The following OTUD7A variants were observed in gnomAD, a reference collection of about 807,000 sequenced individuals.
OTUD7A encodes OTU deubiquitinase 7A, also known as OTU domain-containing protein 7A.
In OTUD7A, 12 loss-of-function variants were observed where a neutral mutation model predicts 65.7. That is an observed-to-expected ratio of 0.18 (90% CI 0.12 to 0.30). OTUD7A has a LOEUF of 0.30. Ranked by LOEUF, OTUD7A falls within the 10% of genes least tolerant of loss-of-function variation. The pLI is 1.00. For synonymous variants in OTUD7A, 641 were observed against 586.3 expected (o/e 1.09, Z -1.35); for missense variants, 1,148 against 1,304.8 (o/e 0.88, Z 1.85).
chr15:31,716,824 G>A (rs538620089), intron 1 of OTUD7A, among the ~76,000 whole-genome samples: 1 of 152,324 alleles, frequency 6.6e-6, no homozygotes, highest in Non-Finnish European at 1.5e-5. Flanking sequence ...CCTGGCTGAA[G>A]CTGCCCAGAG....
chr15:31,717,165 T>C (rs1040025401), intron 1 of OTUD7A, among the ~76,000 whole-genome samples: 6 of 152,208 alleles, frequency 3.9e-5, no homozygotes, highest in Non-Finnish European at 8.8e-5. Flanking sequence ...GGATCCCACA[T>C]TGCATTTCGT....
At chr15:31,493,551 C>G (rs2041346372) in intron 10 of OTUD7A, among the ~76,000 whole-genome samples, 1 of 152,168 alleles carries the variant, frequency 6.6e-6, no homozygotes, top group Non-Finnish European at 1.5e-5. Context: ...ATTTCTAGAA[C>G]CTAACAAGAG....
At chr15:31,862,037 A>G (rs1242728198) in intron 1 of OTUD7A, among the ~76,000 whole-genome samples, 4 of 152,168 alleles carry the variant, frequency 2.6e-5, no homozygotes, top group Non-Finnish European at 5.9e-5. Context: ...TGCAGACCCT[A>G]GCCTGGTGTC....
intron 1 of OTUD7A, among the ~76,000 whole-genome samples, chr15:31,695,269 C>G (rs983577925): frequency 7.1e-6 from 1 of 140,676 alleles, no homozygotes; most frequent in Non-Finnish European, 1.6e-5. Context: ...GTACTGATTT[C>G]ATTTCCTTTG....
chr15:31,751,878 T>TGCC (rs1043989905), intron 1 of OTUD7A, among the ~76,000 whole-genome samples: 2 of 151,976 alleles, frequency 1.3e-5, no homozygotes, highest in African/African-American at 2.4e-5. Flanking sequence ...GAATAACAGA[T>TGCC]GCCAGAAACT....
At chr15:31,734,478 G>T (rs1010516399) in intron 1 of OTUD7A, among the ~76,000 whole-genome samples, 4 of 152,152 alleles carry the variant, frequency 2.6e-5, no homozygotes, top group Non-Finnish European at 4.4e-5. Flanking sequence ...CAAAGCTGGA[G>T]GCATCATGCT....
chr15:31,685,653 C>T (rs766366446), intron 1 of OTUD7A, among the ~76,000 whole-genome samples: 3 of 152,158 alleles, frequency 2.0e-5, no homozygotes, highest in African/African-American at 4.8e-5. Flanking sequence ...AGCGAGACTC[C>T]GTCTCAAAAA....
intron 3 of OTUD7A, among the ~76,000 whole-genome samples, chr15:31,611,086 TA>T (rs556501784): frequency 6.6e-6 from 1 of 151,888 alleles, no homozygotes; most frequent in Admixed American, 6.6e-5. Context: ...AGATGGAAAT[TA>T]AAAAATTCTT....
At position 31,749,642 on chromosome 15, in the gene OTUD7A, GAAC is replaced by G. The variant is rs1894575130; in HGVS notation, c.-99-92568_-99-92566del. On this transcript the variant is annotated intron_variant, in intron 1 of 12. Transcript: ENST00000307050. ...CTGGAAGCATTCCCCTTAAAAACTAGAACAACATGAGGATGCCCACTTTCACCA... is the reference window on the plus strand; with the variant it reads ...CTGGAAGCATTCCCCTTAAAAACTAGAACATGAGGATGCCCACTTTCACCA... 3.9e-5 allele frequency among the ~76,000 whole-genome samples: 6 copies of G among 152,130 alleles called. No individual in the cohort carries two copies. In the South Asian group the frequency reaches 1.0e-3, roughly 26 times the overall value.
intron 1 of OTUD7A, among the ~76,000 whole-genome samples, chr15:31,782,645 G>A (rs1431372391): frequency 2.0e-5 from 3 of 152,216 alleles, no homozygotes; most frequent in Non-Finnish European, 4.4e-5. Flanking sequence ...CCCAGGAGAG[G>A]AAGCAGCAGA....
chr15:31,814,128 T>C (rs760944330), intron 1 of OTUD7A, among the ~76,000 whole-genome samples: 20 of 152,372 alleles, frequency 1.3e-4, no homozygotes, highest in South Asian at 1.2e-3. Flanking sequence ...ATGCTAATTA[T>C]GCACTATAAT....
rs2141057161 is a variant in OTUD7A, at chr15:31,482,531, C to T, written c.*763G>A. 6.6e-6 allele frequency: 1 copy of T among 152,392 alleles called. No individual in the cohort carries two copies. Among genetic ancestry groups the T allele is most frequent in the African/African-American group, 2.4e-5 (1 of 41,568 alleles). The allele number at this position is 152,392 out of a possible 1,614,324, so 9.4% of individuals were successfully genotyped here. On this transcript the variant is annotated 3_prime_UTR_variant, in exon 13 of 13. Coordinates refer to ENST00000307050, the MANE Select transcript of OTUD7A (RefSeq NM_001382637.1). ...GAGATGGGAACCCTGCTTTTTGGAC[C>T]CTAGGTGTCTTTGGAAAGCTCCTGT...
rs1896371687 is a variant in OTUD7A at position 31,809,705 on chromosome 15, A to C, written c.-100+60802T>G. ...ATTAGAGGTCAGCCTAGATGGGTCAAGCCTTTACACCAAAGCCAGTAACCT... is the reference window on the plus strand; with the variant it reads ...ATTAGAGGTCAGCCTAGATGGGTCACGCCTTTACACCAAAGCCAGTAACCT... On this transcript the variant is annotated intron_variant, in intron 1 of 12. Coordinates refer to ENST00000307050, the MANE Select transcript of OTUD7A (RefSeq NM_001382637.1). Among the ~76,000 whole-genome samples, 2 of 152,236 alleles carry C rather than the reference A, an allele frequency of 1.3e-5. 1 individual carries two copies. Among genetic ancestry groups the C allele is most frequent in the East Asian group, 3.9e-4 (2 of 5,190 alleles).
intron 1 of OTUD7A, among the ~76,000 whole-genome samples, chr15:31,731,593 G>T (rs1254926909): frequency 1.3e-5 from 2 of 152,164 alleles, no homozygotes; most frequent in Admixed American, 1.3e-4. Flanking sequence ...TTAGGGCAGT[G>T]AAACTACTCT....
intron 1 of OTUD7A, among the ~76,000 whole-genome samples, chr15:31,822,820 T>A (rs1182420769): frequency 1.3e-5 from 2 of 152,226 alleles, no homozygotes; most frequent in Non-Finnish European, 2.9e-5. Flanking sequence ...TATCTTTGTA[T>A]AGACTTGACC....
chr15:31,832,798 A>G (rs1468010211), intron 1 of OTUD7A, among the ~76,000 whole-genome samples: 1 of 152,204 alleles, frequency 6.6e-6, no homozygotes, highest in East Asian at 1.9e-4. Flanking sequence ...CAAAGGCTGA[A>G]TAATATTCCA....
intron 1 of OTUD7A, among the ~76,000 whole-genome samples, chr15:31,718,428 C>T (rs936870456): frequency 2.0e-5 from 3 of 152,030 alleles, no homozygotes; most frequent in Admixed American, 6.6e-5. Context: ...CCATTTATTT[C>T]TCTATTCATC....
intron 3 of OTUD7A, among the ~76,000 whole-genome samples, chr15:31,632,360 ACT>A (rs1246557320): frequency 6.6e-6 from 1 of 152,004 alleles, no homozygotes; most frequent in Non-Finnish European, 1.5e-5. Context: ...TCCACTCCAG[ACT>A]CTGTTTGCCT....
rs1566880099 is a variant in OTUD7A at position 31,487,696 on chromosome 15, A to G, written c.1172-130T>C. 2.9e-6 allele frequency: 2 copies of G among 679,816 alleles called. No homozygotes were observed. The highest frequency in any genetic ancestry group is 2.9e-5 in the Admixed American group (1 of 34,016). 42.1% of individuals were successfully genotyped at this position (679,816 alleles called of 1,614,324 possible). The stretch of plus-strand genomic sequence containing the variant: ...GACATCTACACAGATCTGTGCCAGC[A>G]GGAGCATGAAGACCAAAACCACTAT... On this transcript the variant is annotated intron_variant, in intron 10 of 12. Coordinates refer to ENST00000307050, the MANE Select transcript of OTUD7A (RefSeq NM_001382637.1). The surrounding 1 kb of genome is among the most constrained non-coding windows in gnomAD (Gnocchi z 6.0).
Sources: gnomAD v4.1 joint callset for allele counts (sites outside exome capture counted in the v4.1 genomes callset) on GRCh38, gnomAD v4.1.1 for gene constraint, Gnocchi (gnomAD v3.1) non-coding constraint, MANE v1.5 for transcripts, NCBI Gene and HGNC (gene_info 2026-07-23, HGNC 2026-07-21) for gene names.